Variants in CFAP20DC observed in about 807,000 individuals in gnomAD.
The protein encoded by CFAP20DC is protein CFAP20DC.
In CFAP20DC, 84 loss-of-function variants were observed where a neutral mutation model predicts 101.7. The observed-to-expected ratio is 0.83, with a 90% CI of 0.69 to 0.99. The LOEUF (loss-of-function observed/expected upper bound fraction) is 0.99, where lower values mean the gene tolerates loss of function less well. CFAP20DC is among the 50% of genes least tolerant of loss of function. The pLI is 0.00. For missense variants in CFAP20DC, 1,007 were observed against 970.3 expected (o/e 1.04, Z -0.50); for synonymous variants, 359 against 351.2 (o/e 1.02, Z -0.25).
At chr3:58,847,599 G>T (rs973616669) in intron 13 of CFAP20DC, among the ~76,000 whole-genome samples, 1 of 152,110 alleles carries the variant, frequency 6.6e-6, no homozygotes, top group East Asian at 1.9e-4. Flanking sequence ...CGTTGTGGAA[G>T]TCAGTGTGGC....
At chr3:58,853,926 A>C (rs538617802) in intron 12 of CFAP20DC, among the ~76,000 whole-genome samples, 1 of 151,762 alleles carries the variant, frequency 6.6e-6, no homozygotes, top group Non-Finnish European at 1.5e-5. Context: ...AACTGGCACA[A>C]GACAGGGATG....
At chr3:58,981,154 G>A (rs566698620) in intron 4 of CFAP20DC, among the ~76,000 whole-genome samples, 1 of 152,302 alleles carries the variant, frequency 6.6e-6, no homozygotes, top group East Asian at 1.9e-4. Context: ...TACAAGGGAT[G>A]TGAAGGATCT....
chr3:58,730,553 T>A (rs2067625908), intron 3 of CFAP20DC, among the ~76,000 whole-genome samples: 1 of 152,164 alleles, frequency 6.6e-6, no homozygotes, highest in Non-Finnish European at 1.5e-5. Flanking sequence ...TAGGATCTCC[T>A]GACCATTTGA....
chr3:58,808,418 T>C (rs941323296), intron 14 of CFAP20DC, among the ~76,000 whole-genome samples: 8 of 152,184 alleles, frequency 5.3e-5, no homozygotes, highest in Non-Finnish European at 1.0e-4. Flanking sequence ...TTCAACATTC[T>C]TAAAGAAAAG....
chr3:58,849,195 G>A lies in CFAP20DC; in HGVS notation c.1808C>T (p.Thr603Ile). Residue 603 changes from threonine (T) to isoleucine (I), a missense_variant, in exon 13 of 17, where the codon ACA (threonine) becomes ATA (isoleucine). Physicochemically the swap from Thr to Ile is moderately conservative, Grantham distance 89. Coordinates refer to ENST00000482387, the MANE Select transcript of CFAP20DC (RefSeq NM_001394063.1). ...NNFEMSLLPT[T>I]CLSPTGRRCG... ...CCTTCTTCCAGTTGGAGAAAGGCATGTTGTAGGCAACAAACTCATTTCAAA... is the reference window on the plus strand; with the variant it reads ...CCTTCTTCCAGTTGGAGAAAGGCATATTGTAGGCAACAAACTCATTTCAAA... 1.3e-6 allele frequency: 2 copies of A among 1,536,106 alleles called. No individual in the cohort carries two copies. Among genetic ancestry groups the A allele is most frequent in the Non-Finnish European group, 1.7e-6 (2 of 1,146,894 alleles).
At chr3:58,756,280 T>C (rs1404057938) in intron 15 of CFAP20DC, among the ~76,000 whole-genome samples, 2 of 152,102 alleles carry the variant, frequency 1.3e-5, no homozygotes, top group African/African-American at 4.8e-5. Flanking sequence ...ACCTACTTCC[T>C]GAATTATGGA....
rs370907920 is a variant in CFAP20DC, at chr3:58,753,873, A to G, written c.2238-10T>C. ...CATATTTAACCAGTCCCTAAAAAGA[A>G]AACAAAGTGAATGAGCATGTCTGGA... On this transcript the variant is annotated splice_polypyrimidine_tract_variant and intron_variant, in intron 15 of 16. Transcript: ENST00000482387. The G allele has an allele frequency of 1.3e-6, 2 of 1,573,426 alleles. No individual in the cohort carries two copies. The highest frequency in any genetic ancestry group is 1.7e-6 in the Non-Finnish European group (2 of 1,147,674).
chr3:58,737,329 C>A, downstream of CFAP20DC: 1 of 429,966 alleles, frequency 2.3e-6, no homozygotes, highest in Non-Finnish European at 4.6e-6. This position sits in a 1 kb window ranked among gnomAD's most constrained non-coding sequence, Gnocchi z 4.1. Context: ...CACAGACACA[C>A]ACCCACCCAC....
chr3:58,816,052 C>A (rs1297232171), intron 14 of CFAP20DC, among the ~76,000 whole-genome samples: 2 of 151,812 alleles, frequency 1.3e-5, no homozygotes, highest in Non-Finnish European at 2.9e-5. Context: ...TATAAAGACA[C>A]ATGCACACGT....
At chr3:58,746,427 C>T (rs1164628076) in intron 16 of CFAP20DC, among the ~76,000 whole-genome samples, 5 of 152,104 alleles carry the variant, frequency 3.3e-5, no homozygotes, top group African/African-American at 1.2e-4. Flanking sequence ...AAAAAAGATA[C>T]ATTTTTAAGC....
chr3:59,009,416 T>TA (rs1392720136), intron 4 of CFAP20DC, among the ~76,000 whole-genome samples: 2 of 151,628 alleles, frequency 1.3e-5, no homozygotes, highest in African/African-American at 4.9e-5. Context: ...CAACTTAAAT[T>TA]AAAAAAACAT....
chr3:59,011,291 G>A (rs568764790), intron 4 of CFAP20DC, among the ~76,000 whole-genome samples: 68 of 152,072 alleles, frequency 4.5e-4, no homozygotes, highest in African/African-American at 1.5e-3. Context: ...CCAGCTACTC[G>A]GGAGGCTGAA....
intron 15 of CFAP20DC, among the ~76,000 whole-genome samples, chr3:58,772,695 A>G (rs1356984606): frequency 6.6e-6 from 1 of 152,220 alleles, no homozygotes; most frequent in Non-Finnish European, 1.5e-5. Flanking sequence ...GTCCATTACC[A>G]GGGAACTGGC....
chr3:58,827,269 C>G (rs1438235828), intron 14 of CFAP20DC, among the ~76,000 whole-genome samples: 2 of 152,012 alleles, frequency 1.3e-5, no homozygotes, highest in African/African-American at 4.8e-5. Context: ...AAAACCAAAA[C>G]AGAAATTAAA....
intron 3 of CFAP20DC, among the ~76,000 whole-genome samples, chr3:59,044,596 AAAATGG>A (rs998285887): frequency 3.3e-5 from 5 of 152,148 alleles, no homozygotes; most frequent in Non-Finnish European, 7.4e-5. Flanking sequence ...ACTTCAGATA[AAAATGG>A]AAAAGCAGAG....
At chr3:58,986,109 T>A (rs1369502977) in intron 4 of CFAP20DC, among the ~76,000 whole-genome samples, 1 of 152,170 alleles carries the variant, frequency 6.6e-6, no homozygotes, top group Non-Finnish European at 1.5e-5. Context: ...ATTCCCTAAC[T>A]GCTACAAATA....
intron 14 of CFAP20DC, among the ~76,000 whole-genome samples, chr3:58,806,757 G>C (rs1282595489): frequency 6.6e-6 from 1 of 152,244 alleles, no homozygotes; most frequent in Non-Finnish European, 1.5e-5. Context: ...AGCCGAAGCA[G>C]GGCGAAGCAT....
intron 15 of CFAP20DC, among the ~76,000 whole-genome samples, chr3:58,776,209 T>C (rs1174572162): frequency 6.6e-6 from 1 of 152,204 alleles, no homozygotes; most frequent in African/African-American, 2.4e-5. Flanking sequence ...GCAGTGAGCA[T>C]AATGCTGTGG....
chr3:58,725,709 A>G (rs945383878), intron 3 of CFAP20DC, among the ~76,000 whole-genome samples: 62 of 152,228 alleles, frequency 4.1e-4, no homozygotes, highest in African/African-American at 1.4e-3. Context: ...CAACACACAC[A>G]GGTGCAGTCA....
Sources: gnomAD v4.1 joint callset for allele counts (sites outside exome capture counted in the v4.1 genomes callset) on GRCh38, gnomAD v4.1.1 for gene constraint, Gnocchi (gnomAD v3.1) non-coding constraint, MANE v1.5 for transcripts, NCBI Gene and HGNC (gene_info 2026-07-23, HGNC 2026-07-21) for gene names.